Variants in PDGFC observed in about 807,000 individuals in gnomAD.
PDGFC encodes the protein platelet derived growth factor C, also known as platelet-derived growth factor C.
Under a neutral mutation model 35.5 loss-of-function variants are expected in PDGFC, and 12 were observed. The observed-to-expected ratio is 0.34, with a 90% CI of 0.22 to 0.55. The LOEUF is 0.55. PDGFC is among the 20% of genes least tolerant of loss of function. The pLI, the probability that PDGFC is intolerant of heterozygous loss-of-function variation, is 0.91. For synonymous variants in PDGFC, 159 were observed against 148.8 expected (o/e 1.07, Z -0.50); for missense variants, 322 against 412.4 (o/e 0.78, Z 1.90).
At chr4:156,802,719 C>G (rs1308017071) in intron 3 of PDGFC, among the ~76,000 whole-genome samples, 2 of 152,112 alleles carry the variant, frequency 1.3e-5, no homozygotes, top group Admixed American at 1.3e-4. Context: ...TGAGAGGAAT[C>G]AGAGTGTTTT....
Position 156,906,804 on chromosome 4 carries a change from G to A in PDGFC, c.119-56388C>T, listed in dbSNP as rs993839494. ...AAAAATTAATAAAAGTTAATCATAC[G>A]TTTCCCTTAATTTCTAGAATAATAT... On this transcript the variant is annotated intron_variant, in intron 1 of 5. Transcript: ENST00000502773. Among the ~76,000 whole-genome samples the A allele has an allele frequency of 5.9e-5, 9 of 152,014 alleles. No individual in the cohort carries two copies. The South Asian group carries it at 1.0e-3, about 18-fold the overall frequency.
intron 2 of PDGFC, among the ~76,000 whole-genome samples, chr4:156,836,410 T>G (rs1359717318): frequency 6.6e-6 from 1 of 152,228 alleles, no homozygotes; most frequent in Non-Finnish European, 1.5e-5. Context: ...TTCATAAATT[T>G]TTCTTTACAT....
chr4:156,857,500 A>T (rs1471215749), intron 1 of PDGFC, among the ~76,000 whole-genome samples: 1 of 152,094 alleles, frequency 6.6e-6, no homozygotes, highest in Non-Finnish European at 1.5e-5. Flanking sequence ...AGTTCTCATG[A>T]ATCTAATAAG....
chr4:156,947,244 T>C (rs1023657962), intron 1 of PDGFC, among the ~76,000 whole-genome samples: 1 of 152,016 alleles, frequency 6.6e-6, no homozygotes, highest in Admixed American at 6.6e-5. Flanking sequence ...CAGCTGTGGT[T>C]CTGTAACCCT....
intron 1 of PDGFC, among the ~76,000 whole-genome samples, chr4:156,922,173 T>C (rs1294645082): frequency 1.3e-5 from 2 of 151,544 alleles, no homozygotes; most frequent in African/African-American, 4.9e-5. Flanking sequence ...TGTGTGTGTG[T>C]GTGTGTGTGT....
At chr4:156,847,342 G>C (rs1396092673) in intron 2 of PDGFC, among the ~76,000 whole-genome samples, 2 of 151,650 alleles carry the variant, frequency 1.3e-5, no homozygotes, top group Non-Finnish European at 3.0e-5. Context: ...TCACCTATTT[G>C]GAATTCTTCC....
intron 1 of PDGFC, among the ~76,000 whole-genome samples, chr4:156,952,355 TA>T (rs1207257184): frequency 1.3e-5 from 2 of 151,886 alleles, no homozygotes; most frequent in Non-Finnish European, 2.9e-5. Flanking sequence ...TTGTTGTTAT[TA>T]AACCGCTGGG....
intron 2 of PDGFC, among the ~76,000 whole-genome samples, chr4:156,827,551 C>G (rs1728806866): frequency 6.6e-6 from 1 of 151,986 alleles, no homozygotes; most frequent in Admixed American, 6.5e-5. Context: ...GCTTAGACTT[C>G]AGGTTCCTCT....
chr4:156,881,827 CAAAAA>C (rs758716456), intron 1 of PDGFC, among the ~76,000 whole-genome samples: 2 of 82,246 alleles, frequency 2.4e-5, no homozygotes, highest in Non-Finnish European at 2.6e-5. Flanking sequence ...GCCTCAGTCT[CAAAAA>C]AAAAAAAAAA....
chr4:156,794,164 C>A (rs1230266633), intron 3 of PDGFC, among the ~76,000 whole-genome samples: 1 of 152,118 alleles, frequency 6.6e-6, no homozygotes, highest in African/African-American at 2.4e-5. Context: ...TCAGCTTGAT[C>A]TTTTCATAGC....
At chr4:156,901,412 T>C (rs1730779552) in intron 1 of PDGFC, among the ~76,000 whole-genome samples, 1 of 152,000 alleles carries the variant, frequency 6.6e-6, no homozygotes, top group Non-Finnish European at 1.5e-5. Context: ...AGGGATACCA[T>C]CAGGGACACA....
intron 1 of PDGFC, among the ~76,000 whole-genome samples, chr4:156,947,112 C>G (rs1043968594): frequency 3.9e-5 from 6 of 151,986 alleles, no homozygotes; most frequent in Middle Eastern, 3.2e-3. Context: ...AGATCGCCCT[C>G]TCATCTGCTG....
At chr4:156,829,337 T>G (rs1053061630) in intron 2 of PDGFC, among the ~76,000 whole-genome samples, 5 of 152,114 alleles carry the variant, frequency 3.3e-5, no homozygotes, top group Non-Finnish European at 7.4e-5. Context: ...GCATTTCAGA[T>G]TGTTAGGTGA....
At chr4:156,932,850 A>ACC (rs927764758) in intron 1 of PDGFC, among the ~76,000 whole-genome samples, 5 of 152,020 alleles carry the variant, frequency 3.3e-5, no homozygotes, top group African/African-American at 1.2e-4. Context: ...TACATATGTA[A>ACC]CTAACCTGCA....
intron 1 of PDGFC, among the ~76,000 whole-genome samples, chr4:156,913,853 T>A (rs1731098230): frequency 6.6e-6 from 1 of 152,132 alleles, no homozygotes; most frequent in Non-Finnish European, 1.5e-5. Flanking sequence ...CTCACCTTGG[T>A]TGAGGTTCAG....
At chr4:156,907,747 A>T (rs975136966) in intron 1 of PDGFC, among the ~76,000 whole-genome samples, 1 of 152,100 alleles carries the variant, frequency 6.6e-6, no homozygotes, top group Non-Finnish European at 1.5e-5. Flanking sequence ...ACCTGGGATG[A>T]AGTGGCCCTA....
chr4:156,882,820 C>CA (rs1436853857), intron 1 of PDGFC, among the ~76,000 whole-genome samples: 1 of 152,116 alleles, frequency 6.6e-6, no homozygotes, highest in Non-Finnish European at 1.5e-5. Flanking sequence ...CATGGTGGCT[C>CA]ACGCCTGTAA....
At chr4:156,768,560 G>GA (rs1422275805) in intron 4 of PDGFC, among the ~76,000 whole-genome samples, 5 of 151,616 alleles carry the variant, frequency 3.3e-5, no homozygotes, top group South Asian at 2.1e-4. Flanking sequence ...GACCATGAGT[G>GA]AAAAAAAATG....
chr4:156,929,783 T>A (rs1013871137), intron 1 of PDGFC, among the ~76,000 whole-genome samples: 4 of 152,232 alleles, frequency 2.6e-5, no homozygotes, highest in African/African-American at 9.6e-5. Context: ...ATATTAGAAA[T>A]AGTTGATAAC....
Sources: gnomAD v4.1 joint callset for allele counts (sites outside exome capture counted in the v4.1 genomes callset) on GRCh38, gnomAD v4.1.1 for gene constraint, MANE v1.5 for transcripts, NCBI Gene and HGNC (gene_info 2026-07-23, HGNC 2026-07-21) for gene names.